WDPCP: variants seen among roughly 807,000 people sequenced by gnomAD.
WDPCP encodes the protein WD repeat containing planar cell polarity effector.
In WDPCP, 71 loss-of-function variants were observed where a neutral mutation model predicts 93.1. That is an observed-to-expected ratio of 0.76 (90% CI 0.63 to 0.93). The LOEUF is 0.93. Among genes scored for constraint, WDPCP ranks in the 40% least tolerant of loss-of-function variants. The pLI is 0.00. For synonymous variants in WDPCP, 315 were observed against 315.0 expected (o/e 1.00, Z 0.00); for missense variants, 844 against 887.4 (o/e 0.95, Z 0.62).
intron 6 of WDPCP, among the ~76,000 whole-genome samples, chr2:63,466,795 G>A (rs1311165176): frequency 1.3e-5 from 2 of 152,168 alleles, no homozygotes; most frequent in African/African-American, 4.8e-5. Context: ...GAATAAATAT[G>A]AGAAAAATTA....
chr2:63,369,649 A>G (rs1166373518), intron 12 of WDPCP, among the ~76,000 whole-genome samples: 1 of 152,174 alleles, frequency 6.6e-6, no homozygotes, highest in East Asian at 1.9e-4. Context: ...TGTCACGCCT[A>G]ATAAGCAGAC....
intron 13 of WDPCP, among the ~76,000 whole-genome samples, chr2:63,262,819 TA>T: frequency 6.6e-6 from 1 of 152,340 alleles, no homozygotes; most frequent in South Asian, 2.1e-4. Flanking sequence ...GATCATGTTT[TA>T]CTCTGCCCAG....
chr2:63,441,979 C>T (rs912176526), intron 6 of WDPCP: 1 of 152,040 alleles, frequency 6.6e-6, no homozygotes, highest in African/African-American at 2.4e-5. Context: ...AGTGCTGTTA[C>T]CAGTTTACCA....
intron 10 of WDPCP, among the ~76,000 whole-genome samples, chr2:63,388,459 C>G (rs1409086677): frequency 6.6e-6 from 1 of 152,094 alleles, no homozygotes; most frequent in Non-Finnish European, 1.5e-5. Context: ...AACAGAAAAG[C>G]TGAAAATTCT....
chr2:63,330,372 T>A (rs1023763777), intron 12 of WDPCP, among the ~76,000 whole-genome samples: 1 of 152,232 alleles, frequency 6.6e-6, no homozygotes, highest in Non-Finnish European at 1.5e-5. Flanking sequence ...TGGACATTTG[T>A]GTATCTTCTT....
intron 10 of WDPCP, among the ~76,000 whole-genome samples, chr2:63,403,129 G>C (rs1694278882): frequency 6.6e-6 from 1 of 152,120 alleles, no homozygotes; most frequent in Non-Finnish European, 1.5e-5. Flanking sequence ...GCAGGAACTT[G>C]GACGGAGCTG....
chr2:63,449,480 C>G (rs535996161), intron 6 of WDPCP, among the ~76,000 whole-genome samples: 1 of 148,358 alleles, frequency 6.7e-6, no homozygotes, highest in South Asian at 2.2e-4. Flanking sequence ...TGGGAAACAC[C>G]TGAGGTACAG....
chr2:63,691,294 T>C (rs149489932), intron 2 of WDPCP, among the ~76,000 whole-genome samples: 26 of 152,294 alleles, frequency 1.7e-4, no homozygotes, highest in Non-Finnish European at 2.2e-4. Context: ...GAAGGCACTA[T>C]ATAAGGACGC....
chr2:63,794,161 T>C (rs1245461836), intron 2 of WDPCP, among the ~76,000 whole-genome samples: 1 of 152,216 alleles, frequency 6.6e-6, no homozygotes, highest in Non-Finnish European at 1.5e-5. Flanking sequence ...TTCATGTTTG[T>C]ACTTTGCCAT....
chr2:63,489,222 A>G (rs1700734950), intron 2 of WDPCP, among the ~76,000 whole-genome samples: 1 of 152,132 alleles, frequency 6.6e-6, no homozygotes, highest in Non-Finnish European at 1.5e-5. Flanking sequence ...TAAATAAAAA[A>G]TAGGGGAGCT....
chr2:63,832,404 C>G (rs1305494833), upstream of WDPCP, among the ~76,000 whole-genome samples: 2 of 152,030 alleles, frequency 1.3e-5, no homozygotes, highest in Non-Finnish European at 2.9e-5. Context: ...AATCACCAGG[C>G]CAACACAGAC....
intron 10 of WDPCP, among the ~76,000 whole-genome samples, chr2:63,403,484 T>C (rs930019864): frequency 2.0e-5 from 3 of 152,226 alleles, no homozygotes; most frequent in Non-Finnish European, 4.4e-5. Context: ...TTTATAGCTA[T>C]TAACTTATCA....
chr2:63,727,213 A>G, intron 2 of WDPCP, among the ~76,000 whole-genome samples: 1 of 152,176 alleles, frequency 6.6e-6, no homozygotes, highest in East Asian at 1.9e-4. Context: ...ATTTTGAGGT[A>G]CGTTCTTTTG....
chr2:63,583,246 T>C (rs1708610825), intron 1 of WDPCP, among the ~76,000 whole-genome samples: 1 of 152,074 alleles, frequency 6.6e-6, no homozygotes, highest in African/African-American at 2.4e-5. Flanking sequence ...ATAAAGTTAC[T>C]GTCAATAAGC....
chr2:63,656,644 C>T (rs1575740139), intron 2 of WDPCP, among the ~76,000 whole-genome samples: 2 of 152,342 alleles, frequency 1.3e-5, no homozygotes, highest in East Asian at 3.9e-4. Context: ...ACTAAAACAG[C>T]ATCAAAAACA....
intron 2 of WDPCP, among the ~76,000 whole-genome samples, chr2:63,774,156 G>A (rs1670269564): frequency 6.6e-6 from 1 of 151,966 alleles, no homozygotes; most frequent in African/African-American, 2.4e-5. Context: ...GGAAATTGTA[G>A]GTCAGAAATT....
At chr2:63,788,321 T>C (rs1404437994) in intron 2 of WDPCP, among the ~76,000 whole-genome samples, 1 of 152,176 alleles carries the variant, frequency 6.6e-6, no homozygotes, top group Non-Finnish European at 1.5e-5. Flanking sequence ...CATTAGCTAA[T>C]GCAATTTTCC....
chr2:63,560,561 A>C (rs1706529411), intron 1 of WDPCP, among the ~76,000 whole-genome samples: 1 of 152,244 alleles, frequency 6.6e-6, no homozygotes, highest in Admixed American at 6.5e-5. Flanking sequence ...TATTCACAAT[A>C]GCAAAGACTT....
intron 1 of WDPCP, among the ~76,000 whole-genome samples, chr2:63,558,967 G>C (rs1197518678): frequency 6.6e-6 from 1 of 152,162 alleles, no homozygotes; most frequent in Admixed American, 6.5e-5. Flanking sequence ...AAACCTGGCA[G>C]AGATACAACA....
Sources: gnomAD v4.1 joint callset for allele counts (sites outside exome capture counted in the v4.1 genomes callset) on GRCh38, gnomAD v4.1.1 for gene constraint, MANE v1.5 for transcripts, NCBI Gene and HGNC (gene_info 2026-07-23, HGNC 2026-07-21) for gene names.